The following ZDHHC14 variants were observed in gnomAD, a reference collection of about 807,000 sequenced individuals.
ZDHHC14 encodes zDHHC palmitoyltransferase 14.
A neutral mutation model predicts 47.7 loss-of-function variants in ZDHHC14; 16 were observed. The observed-to-expected ratio is 0.34, with a 90% CI of 0.23 to 0.51. ZDHHC14 has a LOEUF of 0.51. ZDHHC14 is among the 20% of genes least tolerant of loss of function. The probability of loss-of-function intolerance (pLI) is 0.97; values close to 1 mark genes in which losing one functional copy is unlikely to be tolerated. For synonymous variants in ZDHHC14, 293 were observed against 278.9 expected, an observed-to-expected ratio of 1.05 and a Z score of -0.50; for missense variants, 515 against 662.5, an observed-to-expected ratio of 0.78 and a Z score of 2.44.
intron 1 of ZDHHC14, among the ~76,000 whole-genome samples, chr6:157,384,085 G>A (rs2114727886): frequency 6.6e-6 from 1 of 152,248 alleles, no homozygotes; most frequent in African/African-American, 2.4e-5. Context: ...TGTTCCTACA[G>A]TTTTTTAAAA....
intron 1 of ZDHHC14, among the ~76,000 whole-genome samples, chr6:157,418,329 T>TG (rs398094691): frequency 2.0e-5 from 3 of 151,796 alleles, no homozygotes; most frequent in Admixed American, 6.6e-5. Context: ...ATTAAAAGTT[T>TG]GCAGAATATT....
intron 4 of ZDHHC14, chr6:157,630,141 G>T (rs575460161): frequency 6.6e-6 from 1 of 152,104 alleles, no homozygotes; most frequent in Non-Finnish European, 1.5e-5. Context: ...CACAGCACCC[G>T]GCTGATTTTT....
intron 5 of ZDHHC14, among the ~76,000 whole-genome samples, chr6:157,639,158 G>T (rs1583057012): frequency 6.6e-6 from 1 of 152,248 alleles, no homozygotes; most frequent in East Asian, 1.9e-4. Flanking sequence ...ACTGGGAGGG[G>T]CTGTGATAGC....
intron 8 of ZDHHC14, among the ~76,000 whole-genome samples, chr6:157,666,776 C>A (rs934475789): frequency 6.6e-6 from 1 of 152,180 alleles, no homozygotes; most frequent in Non-Finnish European, 1.5e-5. Flanking sequence ...CCTACATGAG[C>A]AATTTTATTT....
Position 157,672,734 on chromosome 6 carries a change from A to T in ZDHHC14, c.1079A>T (p.Asp360Val), listed in dbSNP as rs961848254. 1 of 1,611,208 alleles carries T rather than the reference A, an allele frequency of 6.2e-7. No homozygotes were observed. ...TQSQSDMCDQDQCIQSTKFVL... is the reference protein window; with the variant it reads ...TQSQSDMCDQVQCIQSTKFVL... ...CCTCCCGCTCTCCAGTGCGACCAAG[A>T]CCAGTGCATTCAGAGCACCAAATTC... The change falls in exon 9 of 9, where the codon GAC becomes GTC. Residue 360 changes from aspartate (D) to valine (V), a missense_variant. Transcript: ENST00000359775.
At chr6:157,592,810 G>C in intron 2 of ZDHHC14, 178 bp from the exon 3 acceptor site, 1 of 1,420,996 alleles carries the variant, frequency 7.0e-7, no homozygotes, top group Non-Finnish European at 9.2e-7. Context: ...CAACGAAGGA[G>C]GCCGGGGTCC....
intron 1 of ZDHHC14, among the ~76,000 whole-genome samples, chr6:157,508,313 T>C (rs756295660): frequency 6.6e-6 from 1 of 152,218 alleles, no homozygotes; most frequent in African/African-American, 2.4e-5. Flanking sequence ...TTTTGTCTGT[T>C]CTCTCTATCT....
chr6:157,662,595 C>G (rs1348923028), intron 8 of ZDHHC14, among the ~76,000 whole-genome samples: 1 of 152,260 alleles, frequency 6.6e-6, no homozygotes, highest in African/African-American at 2.4e-5. Flanking sequence ...TTTCCTCATT[C>G]CTTCCGTCCT....
chr6:157,491,214 C>T (rs957877560), intron 1 of ZDHHC14, among the ~76,000 whole-genome samples: 3 of 152,158 alleles, frequency 2.0e-5, no homozygotes, highest in Non-Finnish European at 2.9e-5. Context: ...CAGTCTTATT[C>T]GAAGGGGAGA....
At chr6:157,439,806 A>G (rs1459209476) in intron 1 of ZDHHC14, among the ~76,000 whole-genome samples, 1 of 152,354 alleles carries the variant, frequency 6.6e-6, no homozygotes, top group East Asian at 1.9e-4. Flanking sequence ...TGGTGCATAT[A>G]TACCATGGAA....
chr6:157,596,229 C>T (rs889484915), intron 3 of ZDHHC14, among the ~76,000 whole-genome samples: 2 of 152,094 alleles, frequency 1.3e-5, no homozygotes, highest in South Asian at 2.1e-4. Flanking sequence ...GCAAATGTCT[C>T]CCACTGAGAA....
chr6:157,586,850 C>T lies in ZDHHC14; in HGVS notation c.407-6138C>T, dbSNP rs570177074. On this transcript the variant is annotated intron_variant, in intron 2 of 8. Transcript: ENST00000359775. This position sits in a 1 kb window ranked among gnomAD's most constrained non-coding sequence, Gnocchi z 4.6. ...AAGAGTTTTGGGTTTCGGTTTAATT[C>T]TTAAGCTTCAGTTTACTATGTCTTT... 8.5e-5 allele frequency among the ~76,000 whole-genome samples: 13 copies of T among 152,168 alleles called. No individual in the cohort carries two copies. Among genetic ancestry groups the T allele is most frequent in the Non-Finnish European group, 1.8e-4 (12 of 68,026 alleles).
chr6:157,480,639 G>T (rs1393819285), intron 1 of ZDHHC14, among the ~76,000 whole-genome samples: 1 of 152,158 alleles, frequency 6.6e-6, no homozygotes, highest in Non-Finnish European at 1.5e-5. Flanking sequence ...CCAGTAGACG[G>T]CTCCCACTTT....
rs552823598 is a variant in ZDHHC14, at chr6:157,660,176, C to T, written c.1068+6549C>T. 4.0e-5 allele frequency among the ~76,000 whole-genome samples: 6 copies of T among 148,226 alleles called. No individual in the cohort carries two copies. In the South Asian group the frequency reaches 1.3e-3, roughly 33 times the overall value. ...GATGCCAGGCCCATGTACTTTCTTA[C>T]TTTCTTTTTTTCTTTTTTTTTTTTT... On this transcript the variant is annotated intron_variant, in intron 8 of 8. Transcript: ENST00000359775.
rs577308030 is a variant in ZDHHC14, at chr6:157,455,529, A to C, written c.245+73263A>C. 1.6e-4 allele frequency among the ~76,000 whole-genome samples: 24 copies of C among 152,252 alleles called. 2 individuals are homozygous for C. In the South Asian group the frequency reaches 4.8e-3, roughly 30 times the overall value. Reference sequence around the variant, plus strand: ...AGTGAGTTTTCTCCAGGTCTTTCTTAAGTCTGGAGGCCCTGATGCCGCCGG... The same window carrying C: ...AGTGAGTTTTCTCCAGGTCTTTCTTCAGTCTGGAGGCCCTGATGCCGCCGG... On this transcript the variant is annotated intron_variant, in intron 1 of 8. Transcript: ENST00000359775.
At chr6:157,654,497 A>T (rs1357857015) in intron 8 of ZDHHC14, among the ~76,000 whole-genome samples, 1 of 152,140 alleles carries the variant, frequency 6.6e-6, no homozygotes, top group Non-Finnish European at 1.5e-5. Flanking sequence ...TCCATGACAG[A>T]TCAGAGACCT....
At chr6:157,601,740 C>T (rs998051668) in intron 3 of ZDHHC14, among the ~76,000 whole-genome samples, 3 of 152,126 alleles carry the variant, frequency 2.0e-5, no homozygotes, top group Middle Eastern at 3.2e-3. Flanking sequence ...AGATGAGTTA[C>T]AGAAAGTGAC....
chr6:157,458,849 A>ATTTTTTTTTTTCTTTTT (rs1778992733), intron 1 of ZDHHC14, among the ~76,000 whole-genome samples: 1 of 81,228 alleles, frequency 1.2e-5, no homozygotes, highest in Non-Finnish European at 2.3e-5. Flanking sequence ...ATGTGGGTGG[A>ATTTTTTTTTTTCTTTTT]TTTTTTTTTT....
intron 3 of ZDHHC14, among the ~76,000 whole-genome samples, chr6:157,623,693 G>A (rs1785286105): frequency 6.6e-6 from 1 of 151,858 alleles, no homozygotes; most frequent in African/African-American, 2.4e-5. Context: ...GGGACTATAG[G>A]CACACACCAC....
Sources: allele counts gnomAD v4.1 joint callset (sites outside exome capture counted in the v4.1 genomes callset), GRCh38; gene constraint gnomAD v4.1.1; non-coding constraint Gnocchi (gnomAD v3.1); transcripts MANE v1.5; gene names NCBI Gene and HGNC (gene_info 2026-07-23, HGNC 2026-07-21).